BTAF1: variants seen among roughly 807,000 people sequenced by gnomAD.
BTAF1 encodes the protein TATA-binding protein-associated factor 172.
A neutral mutation model predicts 227.1 loss-of-function variants in BTAF1; 38 were observed. The observed-to-expected ratio is 0.17, with a 90% CI of 0.13 to 0.22. The LOEUF is 0.22. BTAF1 is among the 10% of genes least tolerant of loss of function. The pLI is 1.00. For synonymous variants in BTAF1, 742 were observed against 751.9 expected (o/e 0.99, Z 0.21); for missense variants, 1,598 against 2,204.0 (o/e 0.73, Z 5.51).
At chr10:91,927,097 T>C (rs1843896448) in intron 1 of BTAF1, among the ~76,000 whole-genome samples, 1 of 151,938 alleles carries the variant, frequency 6.6e-6, no homozygotes, top group African/African-American at 2.4e-5. Flanking sequence ...CTTAGCCCCA[T>C]CTCAGGTATG....
intron 25 of BTAF1, among the ~76,000 whole-genome samples, chr10:91,998,154 GA>G (rs1849266186): frequency 6.8e-6 from 1 of 147,234 alleles, no homozygotes; most frequent in Non-Finnish European, 1.5e-5. Flanking sequence ...GAAAAGAAAA[GA>G]AAAGTAACAC....
rs746121749 is a variant in BTAF1, at chr10:91,942,550, G to A, written c.382G>A (p.Val128Ile). 1 of 1,614,004 alleles carries A rather than the reference G, an allele frequency of 6.2e-7. No homozygotes were observed. The highest frequency in any genetic ancestry group is 1.1e-5 in the South Asian group (1 of 91,064). The change falls in exon 4 of 38, where the codon GTC (valine) becomes ATC (isoleucine). Residue 128 changes from valine (V) to isoleucine (I), a missense_variant. This residue lies in a region of BTAF1 where 298 missense variants were observed against 395.2 expected (regional missense o/e 0.75). Transcript: ENST00000265990. ...GGGATCTGCTGGTGCCGAATTTGAAGTCCAAGATGAAAAATCAGGTCTGTA... is the reference window on the plus strand; with the variant it reads ...GGGATCTGCTGGTGCCGAATTTGAAATCCAAGATGAAAAATCAGGTCTGTA... Reference protein sequence around the residue: ...LLGSAGAEFEVQDEKSGEVDP... With the variant: ...LLGSAGAEFEIQDEKSGEVDP...
chr10:91,956,550 C>G lies in BTAF1; in HGVS notation c.724C>G (p.Pro242Ala). The G allele has an allele frequency of 6.3e-7, 1 of 1,598,136 alleles. No homozygotes were observed. Among genetic ancestry groups the G allele is most frequent in the Non-Finnish European group, 8.5e-7 (1 of 1,175,432 alleles). Reference sequence around the variant, plus strand: ...TAGCAATGATAGCACTGATGGGGAGCCAGAAGAAAAGAGACGGAAAATAGC... The same window carrying G: ...TAGCAATGATAGCACTGATGGGGAGGCAGAAGAAAAGAGACGGAAAATAGC... Reference protein sequence around the residue: ...EKSNDSTDGEPEEKRRKIANV... With the variant: ...EKSNDSTDGEAEEKRRKIANV... The change falls in exon 7 of 38, where the codon CCA (proline) becomes GCA (alanine). Residue 242 changes from proline (P) to alanine (A), a missense_variant. By Grantham distance (27) the Pro-to-Ala change is conservative. Coordinates refer to ENST00000265990, the MANE Select transcript of BTAF1 (RefSeq NM_003972.3).
chr10:92,025,068 C>T lies in BTAF1; in HGVS notation c.5075+101C>T, dbSNP rs1851401518. On this transcript the variant is annotated intron_variant, in intron 35 of 37. Transcript: ENST00000265990. ...TTCATTGGCTAAATATCTGCAAATGCATTTTTTTAATTGTGTAATTCACCC... is the reference window on the plus strand; with the variant it reads ...TTCATTGGCTAAATATCTGCAAATGTATTTTTTTAATTGTGTAATTCACCC... 2.9e-6 allele frequency: 3 copies of T among 1,025,058 alleles called. No individual in the cohort carries two copies. In the South Asian group the frequency reaches 4.9e-5, roughly 17 times the overall value. 63.5% of individuals were successfully genotyped at this position (1,025,058 alleles called of 1,614,324 possible). A position where few individuals can be genotyped will look rare whatever the true frequency, so the allele number is the denominator to read the frequency against.
chr10:91,990,712 C>T (rs1848673079), intron 20 of BTAF1, among the ~76,000 whole-genome samples: 1 of 151,878 alleles, frequency 6.6e-6, no homozygotes, highest in African/African-American at 2.4e-5. Context: ...AGAATGGCCT[C>T]AACCTGGGAG....
Position 91,982,281 on chromosome 10 carries a change from G to T in BTAF1, c.2048+56G>T, listed in dbSNP as rs1337728661. 6.8e-6 allele frequency: 11 copies of T among 1,609,660 alleles called. No homozygotes were observed. The South Asian group carries it at 8.8e-5, about 13-fold the overall frequency. ...ACATTTACAAGTCTGGCTTTCAAAG[G>T]TTATTTAACCAACAGAAGATTCCTC... is the stretch of plus-strand genomic sequence containing the variant. On this transcript the variant is annotated intron_variant, in intron 17 of 37. Coordinates refer to ENST00000265990, the MANE Select transcript of BTAF1 (RefSeq NM_003972.3).
Position 91,966,662 on chromosome 10 carries a change from G to A in BTAF1, c.1555G>A (p.Val519Ile). Residue 519 changes from valine (V) to isoleucine (I), a missense_variant, in exon 14 of 38, where the codon GTT becomes ATT. Transcript: ENST00000265990. ...TATTCAGCAGTCACTGACAGTTTTA[G>A]TTCCACGTGTCTGGCCTTTTTTGCA... ...CSIQQSLTVL[V>I]PRVWPFLHHT... is the part of the protein sequence containing the mutation. The A allele has an allele frequency of 6.2e-7, 1 of 1,613,736 alleles. No individual in the cohort carries two copies. The highest frequency in any genetic ancestry group is 8.5e-7 in the Non-Finnish European group (1 of 1,179,874).
chr10:92,009,007 G>C (rs1850128231), intron 27 of BTAF1, 34 bp from the exon 28 acceptor site: 1 of 1,612,318 alleles, frequency 6.2e-7, no homozygotes, highest in Non-Finnish European at 8.5e-7. Flanking sequence ...ATGTAAACAA[G>C]CTGGTTAATT....
chr10:92,003,138 A>G (rs1218322721), intron 25 of BTAF1, among the ~76,000 whole-genome samples: 1 of 140,422 alleles, frequency 7.1e-6, no homozygotes, highest in Admixed American at 7.5e-5. Context: ...CTTGGGCGAC[A>G]GAGTGAGACT....
intron 14 of BTAF1, among the ~76,000 whole-genome samples, chr10:91,980,054 T>TTAAA (rs968449730): frequency 2.0e-5 from 3 of 152,170 alleles, no homozygotes; most frequent in African/African-American, 7.2e-5. Flanking sequence ...CATATAGAAC[T>TTAAA]TAAACTCTGA....
intron 17 of BTAF1, 94 bp downstream of exon 17, chr10:91,982,319 C>G: frequency 6.5e-7 from 1 of 1,530,572 alleles, no homozygotes; most frequent in Non-Finnish European, 8.9e-7. Flanking sequence ...CTGTCTCCAT[C>G]AGTCCTTCCT....
At chr10:91,998,902 A>G (rs1201011769) in intron 25 of BTAF1, among the ~76,000 whole-genome samples, 1 of 152,028 alleles carries the variant, frequency 6.6e-6, no homozygotes, top group Non-Finnish European at 1.5e-5. Context: ...GTCTCTACTA[A>G]AAATACAAAA....
intron 18 of BTAF1, among the ~76,000 whole-genome samples, chr10:91,983,920 T>C (rs1311438459): frequency 2.0e-5 from 3 of 152,104 alleles, no homozygotes; most frequent in Admixed American, 6.5e-5. Flanking sequence ...TAATACACTT[T>C]AAAATCTGTG....
chr10:92,020,679 T>C (rs568447644), intron 34 of BTAF1, among the ~76,000 whole-genome samples: 1 of 152,346 alleles, frequency 6.6e-6, no homozygotes, highest in East Asian at 1.9e-4. Context: ...CCTTTAGATA[T>C]ATGGAATGGT....
At chr10:91,986,684 C>T (rs1207550535) in intron 19 of BTAF1, among the ~76,000 whole-genome samples, 4 of 152,072 alleles carry the variant, frequency 2.6e-5, no homozygotes, top group African/African-American at 9.7e-5. Context: ...TCTTTATAGT[C>T]TAGGTTCCCT....
Position 92,029,028 on chromosome 10 carries a change from T to C in BTAF1, c.*95T>C. The C allele has an allele frequency of 8.7e-7, 1 of 1,143,610 alleles. No homozygotes were observed. The highest frequency in any genetic ancestry group is 1.2e-6 in the Non-Finnish European group (1 of 815,734). The allele number at this position is 1,143,610 out of a possible 1,614,324, so 70.8% of individuals were successfully genotyped here. ...AGTTTATGGTGAACTTTTAACTCAA[T>C]GTGTAAATAGATCTGGAGAATATTC... On this transcript the variant is annotated 3_prime_UTR_variant, in exon 38 of 38. Transcript: ENST00000265990.
At chr10:91,992,420 G>A in intron 21 of BTAF1, 111 bp downstream of exon 21, 3 of 1,069,620 alleles carry the variant, frequency 2.8e-6, no homozygotes, top group African/African-American at 1.6e-5. Flanking sequence ...GTAAAGAAAT[G>A]GGATTAATTT....
intron 2 of BTAF1, among the ~76,000 whole-genome samples, chr10:91,936,281 A>G (rs1233501527): frequency 1.3e-5 from 2 of 152,162 alleles, no homozygotes; most frequent in Non-Finnish European, 2.9e-5. Context: ...CTGTATGCGT[A>G]TTGAAGTGTA....
At chr10:91,936,432 T>C (rs1415038288) in intron 2 of BTAF1, among the ~76,000 whole-genome samples, 3 of 152,136 alleles carry the variant, frequency 2.0e-5, no homozygotes, top group Admixed American at 1.3e-4. Flanking sequence ...TGCCCAGATA[T>C]AGGGAGCCTC....
Sources: allele counts gnomAD v4.1 joint callset (sites outside exome capture counted in the v4.1 genomes callset), GRCh38; gene constraint gnomAD v4.1.1; regional missense constraint gnomAD v4.1.1; transcripts MANE v1.5; gene names NCBI Gene and HGNC (gene_info 2026-07-23, HGNC 2026-07-21).